TRANK1: variants seen among roughly 807,000 people sequenced by gnomAD.
TRANK1 encodes the protein TPR and ankyrin repeat-containing protein 1.
A neutral mutation model predicts 266.0 loss-of-function variants in TRANK1; 198 were observed. That is an observed-to-expected ratio of 0.74 (90% CI 0.66 to 0.84). The LOEUF (loss-of-function observed/expected upper bound fraction) is 0.84, where lower values mean the gene tolerates loss of function less well. Ranked by LOEUF, TRANK1 falls within the 40% of genes least tolerant of loss-of-function variation. The pLI, the probability that TRANK1 is intolerant of heterozygous loss-of-function variation, is 0.00. For synonymous variants in TRANK1, 1,396 were observed against 1,384.1 expected (o/e 1.01, Z -0.19); for missense variants, 3,326 against 3,634.6 (o/e 0.92, Z 2.18).
intron 8 of TRANK1, among the ~76,000 whole-genome samples, chr3:36,888,578 A>T (rs1240262744): frequency 6.6e-6 from 1 of 152,188 alleles, no homozygotes; most frequent in Admixed American, 6.5e-5. Context: ...TGGGAATGAC[A>T]TTAGAGAAAC....
rs138198488 is a variant in TRANK1 at position 36,900,851 on chromosome 3, CAAAAAAAAAA to C, written c.283-1602_283-1593del. ...TGGGTGACAAAGCAAGACCCTGTCTCAAAAAAAAAAAAAAAAAAAAAAAAAGATAACAGGT... is the reference window on the plus strand; with the variant it reads ...TGGGTGACAAAGCAAGACCCTGTCTCAAAAAAAAAAAAAAAGATAACAGGT... On this transcript the variant is annotated intron_variant, in intron 3 of 23. Transcript: ENST00000645898. 3.6e-4 allele frequency among the ~76,000 whole-genome samples: 23 copies of C among 63,014 alleles called. 1 individual carries two copies. The highest frequency in any genetic ancestry group is 1.3e-3 in the South Asian group (2 of 1,592). 41.3% of individuals were successfully genotyped at this position (63,014 alleles called of 152,430 possible). A position where few individuals can be genotyped will look rare whatever the true frequency, so the allele number is the denominator to read the frequency against.
intron 15 of TRANK1, chr3:36,851,247 G>A: frequency 1.0e-5 from 10 of 986,316 alleles, no homozygotes; most frequent in Non-Finnish European, 1.2e-5. Flanking sequence ...AGCTGTTCTT[G>A]TCCCCCACAT....
chr3:36,872,050 A>T (rs1027052407), intron 9 of TRANK1, among the ~76,000 whole-genome samples: 2 of 152,256 alleles, frequency 1.3e-5, no homozygotes, highest in Non-Finnish European at 2.9e-5. Flanking sequence ...TCATACATAC[A>T]AACCATCCAA....
chr3:36,904,509 A>T (rs1156262223), intron 2 of TRANK1, among the ~76,000 whole-genome samples: 3 of 146,918 alleles, frequency 2.0e-5, no homozygotes, highest in African/African-American at 7.7e-5. Context: ...ACACAGCAAG[A>T]CTCCGTCTCA....
At chr3:36,881,486 G>T (rs1019366441) in intron 8 of TRANK1, among the ~76,000 whole-genome samples, 3 of 151,772 alleles carry the variant, frequency 2.0e-5, no homozygotes, top group Admixed American at 6.6e-5. Flanking sequence ...GGTGGCACAT[G>T]CCTGTAGTCT....
At chr3:36,835,933 G>A (rs1443337736) in intron 20 of TRANK1, among the ~76,000 whole-genome samples, 5 of 152,152 alleles carry the variant, frequency 3.3e-5, no homozygotes, top group Admixed American at 6.5e-5. Flanking sequence ...GACTTTCCTC[G>A]AGACACAACA....
chr3:36,879,856 A>ACAAATATATGTAAATATG (rs1559449062), intron 8 of TRANK1, among the ~76,000 whole-genome samples: 1 of 106,344 alleles, frequency 9.4e-6, no homozygotes, highest in Non-Finnish European at 1.8e-5. Context: ...ATGTAAATAT[A>ACAAATATATGTAAATATG]CAAATATATG....
At chr3:36,868,314 G>A (rs1228810598) in intron 9 of TRANK1, among the ~76,000 whole-genome samples, 1 of 152,076 alleles carries the variant, frequency 6.6e-6, no homozygotes, top group Non-Finnish European at 1.5e-5. Context: ...AACTGGTTTT[G>A]TTATACATCA....
At chr3:36,888,100 C>T (rs1385669566) in intron 8 of TRANK1, among the ~76,000 whole-genome samples, 3 of 152,160 alleles carry the variant, frequency 2.0e-5, no homozygotes, top group Non-Finnish European at 2.9e-5. Flanking sequence ...CCCAAACGCC[C>T]ATCAACTGAA....
Position 36,857,250 on chromosome 3 carries a change from G to C in TRANK1, c.2472C>G (p.Ala824=), listed in dbSNP as rs1474961668. 2.5e-5 allele frequency: 40 copies of C among 1,612,674 alleles called. No homozygotes were observed. The highest frequency in any genetic ancestry group is 3.2e-5 in the Non-Finnish European group (38 of 1,179,250). Residue 824 remains alanine, a synonymous_variant, in exon 13 of 24, where the codon GCC becomes GCG. Coordinates refer to ENST00000645898, the MANE Select transcript of TRANK1 (RefSeq NM_001329998.2). The surrounding 1 kb of genome is among the most constrained non-coding windows in gnomAD (Gnocchi z 4.3). ...TCATGTTATCGAAGTCCTGGAGGCA[G>C]GCCTCAATCTCCTGCGTGCTCCAGT... ...QDDWSTQEIE[A]CLQDFDNMTW...
chr3:36,832,385 C>T lies in TRANK1; in HGVS notation c.7198G>A (p.Asp2400Asn). Residue 2400 changes from aspartate (D) to asparagine (N), a missense_variant, in exon 22 of 24, where the codon GAC (aspartate) becomes AAC (asparagine). Physicochemically the swap from Asp to Asn is conservative, Grantham distance 23 (BLOSUM62 1). Coordinates refer to ENST00000645898, the MANE Select transcript of TRANK1 (RefSeq NM_001329998.2). ...LAPNRDDENM[D>N]KTHLCFIRLL... ...CGGATGAAGCACAGGTGGGTCTTGT[C>T]CATATTTTCATCATCCCTGTTGGGT... The T allele has an allele frequency of 6.2e-7, 1 of 1,614,012 alleles. No homozygotes were observed.
In TRANK1 at chr3:36,918,598, G is replaced by GAAAGAAA. The variant is rs2080168378; in HGVS notation, c.24-10145_24-10144insTTTCTTT. Among the ~76,000 whole-genome samples the GAAAGAAA allele has an allele frequency of 6.6e-5, 4 of 60,474 alleles. 1 individual carries two copies. The highest frequency in any genetic ancestry group is 1.4e-4 in the Non-Finnish European group (4 of 29,370). The allele number at this position is 60,474 out of a possible 152,430, so 39.7% of individuals were successfully genotyped here. A position where few individuals can be genotyped will look rare whatever the true frequency, so the allele number is the denominator to read the frequency against. Reference sequence around the variant, plus strand: ...AGGAAGGAAGGAAGGAAGGAAGGAAGGAAGGAAGGAAAGAAAGAAAGAAAG... The same window carrying GAAAGAAA: ...AGGAAGGAAGGAAGGAAGGAAGGAAGAAAGAAAGAAGGAAGGAAAGAAAGAAAGAAAG... On this transcript the variant is annotated intron_variant, in intron 1 of 23. Coordinates refer to ENST00000645898, the MANE Select transcript of TRANK1 (RefSeq NM_001329998.2).
At chr3:36,908,685 T>G in intron 1 of TRANK1, 1 of 956,506 alleles carries the variant, frequency 1.0e-6, no homozygotes, top group Non-Finnish European at 1.2e-6. Flanking sequence ...ACCAATTCCA[T>G]TTATTCAGCA....
In TRANK1 at chr3:36,892,953, C is replaced by A; in HGVS notation, c.584G>T (p.Arg195Leu). 1 of 1,513,210 alleles carries A rather than the reference C, an allele frequency of 6.6e-7. No individual in the cohort carries two copies. Among genetic ancestry groups the A allele is most frequent in the Non-Finnish European group, 8.8e-7 (1 of 1,138,510 alleles). 93.7% of individuals were successfully genotyped at this position (1,513,210 alleles called of 1,614,324 possible). A position where few individuals can be genotyped will look rare whatever the true frequency, so the allele number is the denominator to read the frequency against. Residue 195 changes from arginine to leucine, a missense_variant, in exon 6 of 24, where the codon CGA becomes CTA. By Grantham distance (102) the Arg-to-Leu change is moderately radical. Coordinates refer to ENST00000645898, the MANE Select transcript of TRANK1 (RefSeq NM_001329998.2). ...TGGGACATGAATATTTCTTGGTAAT[C>A]GGTCTTTTTTTGCTGACAGAAGCAG... ...SFLLLSAKKD[R>L]LPRNIHVPEL... is the part of the protein sequence containing the mutation.
At position 36,918,606 on chromosome 3, in the gene TRANK1, G is replaced by GGAAGGAAGGAAA. The variant is rs1553630565; in HGVS notation, c.24-10153_24-10152insTTTCCTTCCTTC. 2.4e-3 allele frequency among the ~76,000 whole-genome samples: 52 copies of GGAAGGAAGGAAA among 22,116 alleles called. 3 individuals are homozygous for GGAAGGAAGGAAA. The highest frequency in any genetic ancestry group is 1.0e-2 in the East Asian group (7 of 702). The allele number at this position is 22,116 out of a possible 152,430, so 14.5% of individuals were successfully genotyped here. ...AGGAAGGAAGGAAGGAAGGAAGGAA[G>GGAAGGAAGGAAA]GAAAGAAAGAAAGAAAGAAAGAAAG... On this transcript the variant is annotated intron_variant, in intron 1 of 23. Coordinates refer to ENST00000645898, the MANE Select transcript of TRANK1 (RefSeq NM_001329998.2).
chr3:36,850,101 C>T (rs1233273304), intron 15 of TRANK1: 11 of 985,280 alleles, frequency 1.1e-5, no homozygotes, highest in African/African-American at 7.0e-5. Context: ...GCTTCTTACT[C>T]GCACAAGCAT....
At chr3:36,854,470 T>C (rs893561249) in intron 13 of TRANK1, among the ~76,000 whole-genome samples, 1 of 152,220 alleles carries the variant, frequency 6.6e-6, no homozygotes, top group African/African-American at 2.4e-5. Context: ...TTTTTAAACA[T>C]GTAAAGCAAT....
At chr3:36,889,393 C>T (rs1290653948) in intron 8 of TRANK1, among the ~76,000 whole-genome samples, 2 of 152,130 alleles carry the variant, frequency 1.3e-5, no homozygotes, top group Non-Finnish European at 2.9e-5. Context: ...TAGTCTGGCC[C>T]CAGCAGGTAT....
intron 1 of TRANK1, among the ~76,000 whole-genome samples, chr3:36,931,638 G>T (rs533823205): frequency 7.2e-5 from 11 of 152,296 alleles, no homozygotes; most frequent in African/African-American, 2.4e-4. Context: ...CCAGGTCAAG[G>T]CTGCAGTTAG....
Sources: allele counts gnomAD v4.1 joint callset (sites outside exome capture counted in the v4.1 genomes callset), GRCh38; gene constraint gnomAD v4.1.1; non-coding constraint Gnocchi (gnomAD v3.1); transcripts MANE v1.5; gene names NCBI Gene and HGNC (gene_info 2026-07-23, HGNC 2026-07-21).